The following EDIL3 variants were observed in gnomAD, a reference collection of about 807,000 sequenced individuals.
EDIL3 encodes the protein EGF-like repeat and discoidin I-like domain-containing protein 3.
Under a neutral mutation model 67.4 loss-of-function variants are expected in EDIL3, and 37 were observed. That is an observed-to-expected ratio of 0.55 (90% CI 0.42 to 0.72). The LOEUF is 0.72. EDIL3 is among the 30% of genes least tolerant of loss of function. The pLI is 0.00. For synonymous variants in EDIL3, 195 were observed against 196.3 expected (o/e 0.99, Z 0.05); for missense variants, 527 against 586.3 (o/e 0.90, Z 1.04).
At chr5:84,247,412 C>T (rs201439326) in intron 2 of EDIL3, among the ~76,000 whole-genome samples, 1 of 150,362 alleles carries the variant, frequency 6.7e-6, no homozygotes, top group East Asian at 1.9e-4. Flanking sequence ...ACGTCAGACT[C>T]TATTATACTA....
Position 84,065,823 on chromosome 5 carries a change from G to A in EDIL3, c.807+628C>T, listed in dbSNP as rs138690220. Reference sequence around the variant, plus strand: ...AATATAATAGTTATCTCATTAAGGAGTGCGTTAATCAGCCGGGCGCGGTGG... The same window carrying A: ...AATATAATAGTTATCTCATTAAGGAATGCGTTAATCAGCCGGGCGCGGTGG... On this transcript the variant is annotated intron_variant, in intron 7 of 10. Coordinates refer to ENST00000296591, the MANE Select transcript of EDIL3 (RefSeq NM_005711.5). 7.2e-3 allele frequency among the ~76,000 whole-genome samples: 1,099 copies of A among 152,082 alleles called. 17 individuals are homozygous for A. Among genetic ancestry groups the A allele is most frequent in the African/African-American group, 0.026 (1,063 of 41,522 alleles).
intron 1 of EDIL3, among the ~76,000 whole-genome samples, chr5:84,284,888 A>T (rs1193203993): frequency 6.6e-6 from 1 of 152,168 alleles, no homozygotes; most frequent in Non-Finnish European, 1.5e-5. Flanking sequence ...GTTAAGTAAC[A>T]TTCAGCATAC....
At chr5:84,159,279 T>C (rs1748562113) in intron 4 of EDIL3, among the ~76,000 whole-genome samples, 1 of 152,082 alleles carries the variant, frequency 6.6e-6, no homozygotes, top group Admixed American at 6.6e-5. Flanking sequence ...GGCACAGTCA[T>C]TGTTACAGGT....
At chr5:84,068,286 A>G (rs917286884) in intron 6 of EDIL3, among the ~76,000 whole-genome samples, 4 of 152,148 alleles carry the variant, frequency 2.6e-5, no homozygotes, top group African/African-American at 9.7e-5. Context: ...TCCAATACAT[A>G]CAATATGCAC....
intron 1 of EDIL3, among the ~76,000 whole-genome samples, chr5:84,271,416 C>CAAATAAATAAAT (rs70975550): frequency 3.4e-3 from 477 of 140,938 alleles, no homozygotes; most frequent in Middle Eastern, 0.011. Flanking sequence ...TCTGTCTCTA[C>CAAATAAATAAAT]AAATAAATAA....
chr5:84,329,527 CATT>C (rs947693465), intron 1 of EDIL3, among the ~76,000 whole-genome samples: 6 of 152,166 alleles, frequency 3.9e-5, no homozygotes, highest in African/African-American at 1.4e-4. Context: ...TGTGCCACAT[CATT>C]AATTTATGCA....
Position 83,943,475 on chromosome 5 carries a change from A to G in EDIL3, c.1387T>C (p.Trp463Arg), listed in dbSNP as rs1443094800. The G allele has an allele frequency of 5.6e-6, 9 of 1,612,698 alleles. No homozygotes were observed. Among genetic ancestry groups the G allele is most frequent in the Non-Finnish European group, 7.6e-6 (9 of 1,179,250 alleles). The change falls in exon 11 of 11, where the codon TGG becomes CGG. Residue 463 changes from tryptophan (W) to arginine (R), a missense_variant. Trp to Arg is a moderately radical substitution (Grantham distance 101). Around this residue, in one of 2 missense-constraint regions of EDIL3, gnomAD observed 33 missense variants for 63.7 expected, o/e 0.52. Transcript: ENST00000296591. ...GACCGCAATGTGATCCTCCCGTACC[A>G]GGACCAAGGAAGGATTCTTATGTGT... is the stretch of plus-strand genomic sequence containing the variant. ...ARHIRILPWS[W>R]YGRITLRSEL...
At chr5:84,140,094 T>C (rs1481055563) in intron 4 of EDIL3, among the ~76,000 whole-genome samples, 1 of 152,114 alleles carries the variant, frequency 6.6e-6, no homozygotes. Context: ...GGTATTTCCT[T>C]CACCCTTCTA....
chr5:84,166,531 C>G (rs962445036), intron 4 of EDIL3, among the ~76,000 whole-genome samples: 1 of 152,094 alleles, frequency 6.6e-6, no homozygotes, highest in Non-Finnish European at 1.5e-5. Context: ...GAGCTAGGCA[C>G]TTTTTAGGCA....
intron 2 of EDIL3, among the ~76,000 whole-genome samples, chr5:84,231,671 G>C (rs1049079564): frequency 6.6e-6 from 1 of 152,270 alleles, no homozygotes; most frequent in Middle Eastern, 3.4e-3. Flanking sequence ...TAAAGAAATG[G>C]AGAGAGCAAA....
chr5:84,349,451 G>A (rs992463212), intron 1 of EDIL3, among the ~76,000 whole-genome samples: 1 of 152,138 alleles, frequency 6.6e-6, no homozygotes, highest in African/African-American at 2.4e-5. Flanking sequence ...GCTGACTCAA[G>A]TAGGACACGA....
At chr5:84,026,464 C>T (rs1476198855) in intron 9 of EDIL3, among the ~76,000 whole-genome samples, 1 of 151,886 alleles carries the variant, frequency 6.6e-6, no homozygotes, top group Admixed American at 6.6e-5. Flanking sequence ...AGATTCAGTT[C>T]AGTCATCATT....
chr5:84,096,148 G>A (rs570516921), intron 6 of EDIL3, among the ~76,000 whole-genome samples: 77 of 152,258 alleles, frequency 5.1e-4, no homozygotes, highest in African/African-American at 1.7e-3. Flanking sequence ...GAAGGGAAAC[G>A]GGGGGTAAGA....
intron 3 of EDIL3, among the ~76,000 whole-genome samples, chr5:84,211,092 T>G (rs977803706): frequency 1.3e-5 from 2 of 152,204 alleles, no homozygotes; most frequent in African/African-American, 4.8e-5. Context: ...GTACTTAATT[T>G]AAGGACTTCT....
In EDIL3 at chr5:84,171,244, A is replaced by T. The variant is rs575439246; in HGVS notation, c.355+9149T>A. On this transcript the variant is annotated intron_variant, in intron 4 of 10. Coordinates refer to ENST00000296591, the MANE Select transcript of EDIL3 (RefSeq NM_005711.5). ...AAAATAAAGAATAGAAAAGAAAAAA[A>T]TGTTTTACTGTTAATCTAAAGTAGC... 1.4e-4 allele frequency among the ~76,000 whole-genome samples: 21 copies of T among 152,322 alleles called. No homozygotes were observed. In the South Asian group the frequency reaches 1.4e-3, roughly 11 times the overall value.
At chr5:84,060,083 T>A (rs1746514394) in intron 9 of EDIL3, among the ~76,000 whole-genome samples, 1 of 152,206 alleles carries the variant, frequency 6.6e-6, no homozygotes, top group Admixed American at 6.5e-5. Context: ...GTCTCCTGCA[T>A]CAAGCTTACA....
chr5:84,185,676 C>A (rs1038291308), intron 3 of EDIL3, among the ~76,000 whole-genome samples: 4 of 152,046 alleles, frequency 2.6e-5, no homozygotes, highest in African/African-American at 9.7e-5. Context: ...TTTTCTGGAA[C>A]CTTTCTACAC....
intron 1 of EDIL3, among the ~76,000 whole-genome samples, chr5:84,375,773 T>C (rs1222550191): frequency 6.6e-6 from 1 of 152,216 alleles, no homozygotes; most frequent in African/African-American, 2.4e-5. Flanking sequence ...ACTTCCCAAG[T>C]GCTCATCTTC....
chr5:84,238,490 C>T (rs1744722733), intron 2 of EDIL3, among the ~76,000 whole-genome samples: 1 of 151,780 alleles, frequency 6.6e-6, no homozygotes, highest in African/African-American at 2.4e-5. Flanking sequence ...GGGGAGTTAT[C>T]TTTTTCATGT....
Sources: allele counts gnomAD v4.1 joint callset (sites outside exome capture counted in the v4.1 genomes callset), GRCh38; gene constraint gnomAD v4.1.1; regional missense constraint gnomAD v4.1.1; transcripts MANE v1.5; gene names NCBI Gene and HGNC (gene_info 2026-07-23, HGNC 2026-07-21).